The following CELF4 variants were observed in gnomAD, a reference collection of about 807,000 sequenced individuals.
The protein encoded by CELF4 is CUGBP Elav-like family member 4.
A neutral mutation model predicts 59.9 loss-of-function variants in CELF4; 18 were observed. That is an observed-to-expected ratio of 0.30 (90% CI 0.21 to 0.45). The LOEUF (loss-of-function observed/expected upper bound fraction) is 0.45. Ranked by LOEUF, CELF4 falls within the 20% of genes least tolerant of loss-of-function variation. The probability of loss-of-function intolerance (pLI) is 1.00; values close to 1 mark genes in which losing one functional copy is unlikely to be tolerated. For synonymous variants in CELF4, 261 were observed against 267.1 expected, an observed-to-expected ratio of 0.98 and a Z score of 0.22; for missense variants, 456 against 689.0, an observed-to-expected ratio of 0.66 and a Z score of 3.79.
rs2096502380 is a variant in CELF4 at position 37,308,023 on chromosome 18, A to G, written c.448+13780T>C. 2.0e-5 allele frequency among the ~76,000 whole-genome samples: 3 copies of G among 152,120 alleles called. No homozygotes were observed. In the South Asian group the frequency reaches 6.2e-4, roughly 32 times the overall value. On this transcript the variant is annotated intron_variant, in intron 3 of 12. Transcript: ENST00000420428. ...GGTCTGGAGGCAGCAGGTCCTGGGC[A>G]GGGCAGGGATGGCTTTGGGGCATAC...
chr18:37,422,984 T>TG (rs2099587683), intron 2 of CELF4, among the ~76,000 whole-genome samples: 1 of 151,198 alleles, frequency 6.6e-6, no homozygotes, highest in Non-Finnish European at 1.5e-5. Flanking sequence ...TGCTTCTTCA[T>TG]GGGGCTGGGT....
At chr18:37,517,714 G>T (rs1024417454) in intron 1 of CELF4, among the ~76,000 whole-genome samples, 11 of 152,104 alleles carry the variant, frequency 7.2e-5, no homozygotes, top group African/African-American at 2.7e-4. Context: ...GCTCCTGGTG[G>T]GTGTCCGATG....
At chr18:37,466,365 T>C (rs2099808831) in intron 2 of CELF4, among the ~76,000 whole-genome samples, 1 of 145,206 alleles carries the variant, frequency 6.9e-6, no homozygotes, top group Admixed American at 7.2e-5. Context: ...GACAGTTTGA[T>C]GCCTAAAAGG....
chr18:37,360,804 A>G (rs2098691751), intron 2 of CELF4, among the ~76,000 whole-genome samples: 1 of 152,224 alleles, frequency 6.6e-6, no homozygotes, highest in Non-Finnish European at 1.5e-5. Context: ...TGGGATTTGT[A>G]GCCAGACACG....
intron 1 of CELF4, among the ~76,000 whole-genome samples, chr18:37,538,165 G>A (rs2099975138): frequency 6.6e-6 from 1 of 152,222 alleles, no homozygotes; most frequent in African/African-American, 2.4e-5. Flanking sequence ...CATCCCAGGG[G>A]ATGGCCCTGG....
chr18:37,286,686 CCTTA>C (rs1331393696), intron 3 of CELF4, among the ~76,000 whole-genome samples: 2 of 152,182 alleles, frequency 1.3e-5, no homozygotes, highest in African/African-American at 4.8e-5. Context: ...TCAGCATCCT[CCTTA>C]CTTGTCTAAC....
chr18:37,332,092 G>T (rs2097564329), intron 2 of CELF4, among the ~76,000 whole-genome samples: 1 of 152,202 alleles, frequency 6.6e-6, no homozygotes, highest in South Asian at 2.1e-4. Flanking sequence ...TTCAGTTCCA[G>T]AATGACCAGC....
intron 2 of CELF4, among the ~76,000 whole-genome samples, chr18:37,399,734 G>A (rs1194645177): frequency 6.6e-6 from 1 of 152,232 alleles, no homozygotes; most frequent in Non-Finnish European, 1.5e-5. Flanking sequence ...AAAATGGTTG[G>A]TTCACGTGGC....
In CELF4 at chr18:37,270,762, G is replaced by A; in HGVS notation, c.1099+6C>T. 3.7e-6 allele frequency: 6 copies of A among 1,613,930 alleles called. No homozygotes were observed. Among genetic ancestry groups the A allele is most frequent in the Non-Finnish European group, 5.1e-6 (6 of 1,179,966 alleles). Reference sequence around the variant, plus strand: ...TACGGAAATAAGTGCTGACAGATGTGCTTACCTGGGTAGGGGTGGATGCCA... The same window carrying A: ...TACGGAAATAAGTGCTGACAGATGTACTTACCTGGGTAGGGGTGGATGCCA... On this transcript the variant is annotated splice_donor_region_variant and intron_variant, in intron 8 of 12. Coordinates refer to ENST00000420428, the MANE Select transcript of CELF4 (RefSeq NM_020180.4).
At position 37,533,084 on chromosome 18, in the gene CELF4, C is replaced by T. The variant is rs549918505; in HGVS notation, c.286+32272G>A. 2.0e-4 allele frequency among the ~76,000 whole-genome samples: 30 copies of T among 152,394 alleles called. No homozygotes were observed. The South Asian group carries it at 4.6e-3, about 23-fold the overall frequency. ...TGGGCGGCCACTTCCAGAACGCAGC[C>T]TTCCAGCAAGCTGGCCCAGCCACTC... is the stretch of plus-strand genomic sequence containing the variant. On this transcript the variant is annotated intron_variant, in intron 1 of 12. Coordinates refer to ENST00000420428, the MANE Select transcript of CELF4 (RefSeq NM_020180.4).
At chr18:37,432,939 G>T (rs1185934366) in intron 2 of CELF4, among the ~76,000 whole-genome samples, 1 of 152,194 alleles carries the variant, frequency 6.6e-6, no homozygotes, top group African/African-American at 2.4e-5. Context: ...AAGTGAGCTT[G>T]CAGTACCAGC....
At chr18:37,562,744 T>G (rs1041865694) in intron 1 of CELF4, among the ~76,000 whole-genome samples, 2 of 152,218 alleles carry the variant, frequency 1.3e-5, no homozygotes, top group African/African-American at 4.8e-5. Flanking sequence ...AGAAGGAGTT[T>G]AAACTCTTCT....
At chr18:37,469,100 A>C (rs2099815371) in intron 2 of CELF4, among the ~76,000 whole-genome samples, 1 of 152,084 alleles carries the variant, frequency 6.6e-6, no homozygotes, top group South Asian at 2.1e-4. Context: ...TTCCTTCTTT[A>C]GAGGGAGGTA....
chr18:37,274,734 C>T (rs1263973007), intron 5 of CELF4, 71 bp downstream of exon 5: 2 of 1,505,412 alleles, frequency 1.3e-6, no homozygotes, highest in Non-Finnish European at 1.8e-6. Context: ...GGACAGCCGG[C>T]GGGGCGTGGC....
intron 1 of CELF4, among the ~76,000 whole-genome samples, chr18:37,496,694 T>C (rs2099925574): frequency 1.3e-5 from 2 of 152,220 alleles, no homozygotes; most frequent in African/African-American, 4.8e-5. Flanking sequence ...CACACTGTCC[T>C]GGTAGGCCAC....
intron 2 of CELF4, among the ~76,000 whole-genome samples, chr18:37,352,543 T>G (rs1056945743): frequency 6.6e-6 from 1 of 151,560 alleles, no homozygotes; most frequent in African/African-American, 2.4e-5. Context: ...CAGTGAGCTA[T>G]GATTGCACCA....
At chr18:37,466,736 G>T (rs1435488941) in intron 2 of CELF4, among the ~76,000 whole-genome samples, 1 of 152,166 alleles carries the variant, frequency 6.6e-6, no homozygotes, top group East Asian at 1.9e-4. Context: ...TTAAACTCTG[G>T]TAAACTGAGG....
intron 1 of CELF4, among the ~76,000 whole-genome samples, chr18:37,526,796 C>T (rs2099964304): frequency 6.6e-6 from 1 of 152,198 alleles, no homozygotes; most frequent in African/African-American, 2.4e-5. Flanking sequence ...GCTTTGGTGT[C>T]AACTGGGCCT....
intron 7 of CELF4, 63 bp downstream of exon 7, chr18:37,272,953 C>T (rs977043552): frequency 1.2e-5 from 18 of 1,511,990 alleles, no homozygotes; most frequent in Middle Eastern, 2.4e-4. Context: ...GAAATTAGGT[C>T]CCAGCCTGGG....
Sources: gnomAD v4.1 joint callset for allele counts (sites outside exome capture counted in the v4.1 genomes callset) on GRCh38, gnomAD v4.1.1 for gene constraint, MANE v1.5 for transcripts, NCBI Gene and HGNC (gene_info 2026-07-23, HGNC 2026-07-21) for gene names.